Variants in NRG3 observed in about 807,000 individuals in gnomAD.
NRG3 encodes neuregulin 3.
NRG3 carries 31 observed loss-of-function variants against 66.9 expected under a neutral mutation model. That is an observed-to-expected ratio of 0.46 (90% CI 0.35 to 0.63). The LOEUF is 0.63. Among genes scored for constraint, NRG3 ranks in the 20% least tolerant of loss-of-function variants. The probability of loss-of-function intolerance (pLI) is 0.00; values close to 1 mark genes in which losing one functional copy is unlikely to be tolerated. For synonymous variants in NRG3, 393 were observed against 359.4 expected, an observed-to-expected ratio of 1.09 and a Z score of -1.06; for missense variants, 910 against 878.9, an observed-to-expected ratio of 1.04 and a Z score of -0.45.
At chr10:82,317,918 TTGTC>T (rs2081374380) in intron 1 of NRG3, among the ~76,000 whole-genome samples, 1 of 152,096 alleles carries the variant, frequency 6.6e-6, no homozygotes. Context: ...ATCTGTGCCT[TTGTC>T]TGGCTCAGTG....
chr10:82,740,043 T>C (rs1259716881), intron 3 of NRG3, among the ~76,000 whole-genome samples: 1 of 151,878 alleles, frequency 6.6e-6, no homozygotes, highest in African/African-American at 2.4e-5. Flanking sequence ...ATCTAGTTTT[T>C]CTCTTTTTCT....
At chr10:82,828,896 G>GGC (rs2062377818) in intron 3 of NRG3, among the ~76,000 whole-genome samples, 1 of 152,126 alleles carries the variant, frequency 6.6e-6, no homozygotes, top group African/African-American at 2.4e-5. Flanking sequence ...GGAAGTAAAA[G>GGC]GCATTAACAC....
chr10:81,953,005 G>A (rs1375998639), intron 1 of NRG3, among the ~76,000 whole-genome samples: 1 of 152,088 alleles, frequency 6.6e-6, no homozygotes, highest in African/African-American at 2.4e-5. Context: ...AGCAGGCCCT[G>A]CAAGTTGGTC....
Position 82,729,224 on chromosome 10 carries a change from A to G in NRG3, c.954-9353A>G, listed in dbSNP as rs563655686. Among the ~76,000 whole-genome samples the G allele has an allele frequency of 7.9e-5, 12 of 152,334 alleles. No homozygotes were observed. The East Asian group carries it at 2.3e-3, about 29-fold the overall frequency. On this transcript the variant is annotated intron_variant, in intron 2 of 8. Coordinates refer to ENST00000372141, the MANE Select transcript of NRG3 (RefSeq NM_001010848.4). ...ACATTTTTCACAATAGATCTTTTGT[A>G]TACTAAGAAATCAGTAACAGTGCAT... is the stretch of plus-strand genomic sequence containing the variant.
chr10:82,144,155 T>C (rs1346240888), intron 1 of NRG3, among the ~76,000 whole-genome samples: 2 of 152,198 alleles, frequency 1.3e-5, no homozygotes, highest in African/African-American at 4.8e-5. Flanking sequence ...TCTGGCTTCA[T>C]AAAATTTGAC....
chr10:82,216,342 A>G (rs1411701608), intron 1 of NRG3, among the ~76,000 whole-genome samples: 1 of 151,956 alleles, frequency 6.6e-6, no homozygotes, highest in Non-Finnish European at 1.5e-5. Flanking sequence ...GAAAAGGAGC[A>G]CTTAGAAAGT....
chr10:82,965,840 G>GT (rs1335527467), intron 6 of NRG3, among the ~76,000 whole-genome samples: 1 of 152,114 alleles, frequency 6.6e-6, no homozygotes, highest in Non-Finnish European at 1.5e-5. Flanking sequence ...TAGGTGAACT[G>GT]TTTTGCTGAG....
chr10:82,635,603 A>G (rs932041874), intron 2 of NRG3, among the ~76,000 whole-genome samples: 3 of 152,058 alleles, frequency 2.0e-5, no homozygotes, highest in Admixed American at 6.6e-5. Context: ...TGTCATTATT[A>G]TTATTATTGT....
At chr10:82,303,872 A>T (rs1415564507) in intron 1 of NRG3, among the ~76,000 whole-genome samples, 1 of 152,080 alleles carries the variant, frequency 6.6e-6, no homozygotes, top group African/African-American at 2.4e-5. Flanking sequence ...GTCTCAAAAA[A>T]TAAATAAATA....
chr10:82,558,758 TACTATTCTAGTTATTTTCTCTTATCA>T (rs2044822322), intron 2 of NRG3, among the ~76,000 whole-genome samples: 1 of 152,204 alleles, frequency 6.6e-6, no homozygotes, highest in Non-Finnish European at 1.5e-5. Flanking sequence ...TTTTAACCTC[TACTATTCTAGTTATTTTCTCTTATCA>T]GGTTTGTGTT....
intron 1 of NRG3, among the ~76,000 whole-genome samples, chr10:82,278,210 A>T (rs2078949983): frequency 6.6e-6 from 1 of 151,496 alleles, no homozygotes. Flanking sequence ...TGGACTACAT[A>T]TTTTTTTTTA....
chr10:82,304,983 C>CT (rs760661674), intron 1 of NRG3, among the ~76,000 whole-genome samples: 2,013 of 73,880 alleles, frequency 0.027, 465 homozygotes, highest in African/African-American at 0.041. Flanking sequence ...TCAGATTCCT[C>CT]TTTTTTTTTT....
chr10:81,974,864 A>G (rs531107856), intron 1 of NRG3, among the ~76,000 whole-genome samples: 6 of 152,286 alleles, frequency 3.9e-5, no homozygotes, highest in South Asian at 4.1e-4. Context: ...GACATTATGT[A>G]TAAGGAAGCT....
At chr10:82,116,759 T>C (rs1291793041) in intron 1 of NRG3, among the ~76,000 whole-genome samples, 2 of 152,138 alleles carry the variant, frequency 1.3e-5, no homozygotes. Context: ...AAACTTAGAT[T>C]TGAAGAGAAC....
chr10:82,225,996 G>A (rs972368860), intron 1 of NRG3, among the ~76,000 whole-genome samples: 4 of 151,702 alleles, frequency 2.6e-5, no homozygotes, highest in African/African-American at 9.7e-5. Flanking sequence ...TTTTATTGTT[G>A]TTTGTTCCAC....
At chr10:82,540,571 C>A (rs750063651) in intron 2 of NRG3, among the ~76,000 whole-genome samples, 1 of 151,764 alleles carries the variant, frequency 6.6e-6, no homozygotes, top group Non-Finnish European at 1.5e-5. Context: ...CAGTATGCAG[C>A]CTGGAGTGTT....
chr10:82,450,641 A>G (rs2090976280), intron 2 of NRG3, among the ~76,000 whole-genome samples: 1 of 151,870 alleles, frequency 6.6e-6, no homozygotes, highest in South Asian at 2.1e-4. Flanking sequence ...CTCTAGTCAA[A>G]CTCTTCTCAT....
At chr10:82,934,784 C>A (rs533048832) in intron 4 of NRG3, among the ~76,000 whole-genome samples, 2 of 152,156 alleles carry the variant, frequency 1.3e-5, no homozygotes, top group Non-Finnish European at 2.9e-5. Context: ...GCTTAAAAGG[C>A]GCACAATTTT....
chr10:82,966,935 T>C (rs1300321982), intron 6 of NRG3, among the ~76,000 whole-genome samples: 1 of 151,892 alleles, frequency 6.6e-6, no homozygotes, highest in Non-Finnish European at 1.5e-5. Flanking sequence ...TTTTTTTTTG[T>C]TGTTGAGCAC....
Sources: gnomAD v4.1 joint callset for allele counts (sites outside exome capture counted in the v4.1 genomes callset) on GRCh38, gnomAD v4.1.1 for gene constraint, MANE v1.5 for transcripts, NCBI Gene and HGNC (gene_info 2026-07-23, HGNC 2026-07-21) for gene names.